Variants in USP40 observed in about 807,000 individuals in gnomAD.
USP40 encodes ubiquitin specific peptidase 40.
A neutral mutation model predicts 166.2 loss-of-function variants in USP40; 143 were observed. The observed-to-expected ratio is 0.86, with a 90% CI of 0.75 to 0.99. USP40 has a LOEUF of 0.99. Ranked by LOEUF, USP40 falls within the 50% of genes least tolerant of loss-of-function variation. The probability of loss-of-function intolerance (pLI) is 0.00; values close to 1 mark genes in which losing one functional copy is unlikely to be tolerated. For synonymous variants in USP40, 498 were observed against 524.0 expected, an observed-to-expected ratio of 0.95 and a Z score of 0.68; for missense variants, 1,444 against 1,479.7, an observed-to-expected ratio of 0.98 and a Z score of 0.40.
intron 30 of USP40, 39 bp downstream of exon 30, chr2:233,485,492 G>A: frequency 6.7e-7 from 1 of 1,490,650 alleles, no homozygotes; most frequent in African/African-American, 1.4e-5. Context: ...TGACCCTCGT[G>A]TCTTCTCAAA....
At chr2:233,500,851 G>A (rs960426631) in intron 21 of USP40, among the ~76,000 whole-genome samples, 2 of 152,128 alleles carry the variant, frequency 1.3e-5, no homozygotes, top group Admixed American at 6.5e-5. Context: ...ACACATGCTG[G>A]TATAGGCACA....
At chr2:233,542,409 A>G (rs1281427915) in intron 8 of USP40, 46 bp from the exon 9 acceptor site, 1 of 1,201,980 alleles carries the variant, frequency 8.3e-7, no homozygotes, top group African/African-American at 1.5e-5. Flanking sequence ...CCCCTTAAAA[A>G]GTAACAAAAT....
chr2:233,550,500 A>C lies in USP40; in HGVS notation c.837+876T>G, dbSNP rs186527762. On this transcript the variant is annotated intron_variant, in intron 7 of 31. Coordinates refer to ENST00000678225, the MANE Select transcript of USP40 (RefSeq NM_001365479.2). Reference sequence around the variant, plus strand: ...CTTTGAGTGGTAATTCAAACAACAAAAAAAAAAACCCCAAAAAGCTCAGCA... The same window carrying C: ...CTTTGAGTGGTAATTCAAACAACAACAAAAAAAACCCCAAAAAGCTCAGCA... 2.8e-3 allele frequency among the ~76,000 whole-genome samples: 428 copies of C among 151,876 alleles called. 1 individual carries two copies. The highest frequency in any genetic ancestry group is 6.3e-3 in the African/African-American group (263 of 41,502).
intron 10 of USP40, among the ~76,000 whole-genome samples, chr2:233,536,286 G>A (rs1422991033): frequency 6.6e-6 from 1 of 152,128 alleles, no homozygotes; most frequent in Non-Finnish European, 1.5e-5. Flanking sequence ...AGAGCTAAGT[G>A]GAAAGACTAC....
In USP40 at chr2:233,566,741, A is replaced by G. The variant is rs1191601397; in HGVS notation, c.-77T>C. The stretch of plus-strand genomic sequence containing the variant: ...ACGCGAAGCGAACGAACCCGCCCCA[A>G]CTGGGCGCCGCCATGTTGGCGAGGG... On this transcript the variant is annotated 5_prime_UTR_variant, in exon 1 of 32. Coordinates refer to ENST00000678225, the MANE Select transcript of USP40 (RefSeq NM_001365479.2). 13 of 985,918 alleles carry G rather than the reference A, an allele frequency of 1.3e-5. No homozygotes were observed. Among genetic ancestry groups the G allele is most frequent in the Non-Finnish European group, 1.6e-5 (13 of 829,962 alleles). The allele number at this position is 985,918 out of a possible 1,614,324, so 61.1% of individuals were successfully genotyped here. A position where few individuals can be genotyped will look rare whatever the true frequency, so the allele number is the denominator to read the frequency against.
chr2:233,491,434 G>A, intron 25 of USP40, 173 bp from the exon 26 acceptor site: 2 of 612,982 alleles, frequency 3.3e-6, no homozygotes, highest in East Asian at 2.8e-5. Flanking sequence ...GCAGGGACAT[G>A]TTGTCGGCAG....
chr2:233,525,024 C>G (rs1484353513), intron 14 of USP40, among the ~76,000 whole-genome samples: 1 of 152,212 alleles, frequency 6.6e-6, no homozygotes, highest in African/African-American at 2.4e-5. Context: ...ACTGCCGCTA[C>G]TGTTAATTCT....
chr2:233,550,567 G>A (rs923969044), intron 7 of USP40, among the ~76,000 whole-genome samples: 4 of 151,048 alleles, frequency 2.6e-5, no homozygotes, highest in South Asian at 2.1e-4. Flanking sequence ...TGAAGATCCC[G>A]AATTTAAGAA....
rs569534757 is a variant in USP40, at chr2:233,556,982, A to T, written c.419T>A (p.Ile140Asn). The T allele has an allele frequency of 6.5e-5, 105 of 1,613,924 alleles. No homozygotes were observed. In the South Asian group the frequency reaches 1.1e-3, roughly 16 times the overall value. Residue 140 changes from isoleucine (I) to asparagine (N), a missense_variant, in exon 5 of 32, where the codon ATC (isoleucine) becomes AAC (asparagine). By Grantham distance (149) the Ile-to-Asn change is moderately radical. Coordinates refer to ENST00000678225, the MANE Select transcript of USP40 (RefSeq NM_001365479.2). ...AGAAGTTTCCAAAGCGCTGAAGAGG[A>T]TTCGATTCAGTTCCTGCACATCATG... Reference protein sequence around the residue: ...RQHDVQELNRILFSALETSLV... With the variant: ...RQHDVQELNRNLFSALETSLV...
At chr2:233,517,120 G>T (rs2067254502) in intron 18 of USP40, among the ~76,000 whole-genome samples, 1 of 152,060 alleles carries the variant, frequency 6.6e-6, no homozygotes, top group Admixed American at 6.6e-5. Context: ...ATATGATTTT[G>T]AGTTCTTGCT....
At chr2:233,501,229 T>C (rs764600237) in intron 21 of USP40, among the ~76,000 whole-genome samples, 1 of 152,220 alleles carries the variant, frequency 6.6e-6, no homozygotes, top group Admixed American at 6.5e-5. Context: ...ATAGAGAGCA[T>C]AAAAGCCTTA....
At position 233,493,482 on chromosome 2, in the gene USP40, C is replaced by A. The variant is rs2065480218; in HGVS notation, c.2860G>T (p.Asp954Tyr). ...GPSGHWESHQ[D>Y]QTNCTSSWGR... ...CAAGACGAAGTACAGTTGGTCTGGT[C>A]CTGATGACTCTCCCAGTGTCCTGAG... Residue 954 changes from aspartate (D) to tyrosine (Y), a missense_variant, in exon 25 of 32, where the codon GAC (aspartate) becomes TAC (tyrosine). Transcript: ENST00000678225. The surrounding 1 kb of genome is among the most constrained non-coding windows in gnomAD (Gnocchi z 4.7). 1 of 1,613,798 alleles carries A rather than the reference C, an allele frequency of 6.2e-7. No homozygotes were observed. The highest frequency in any genetic ancestry group is 8.5e-7 in the Non-Finnish European group (1 of 1,179,876).
At position 233,529,814 on chromosome 2, in the gene USP40, C is replaced by CTTTTTCT. The variant is rs776660309; in HGVS notation, c.1472-303_1472-302insAGAAAAA. On this transcript the variant is annotated intron_variant, in intron 11 of 31. Coordinates refer to ENST00000678225, the MANE Select transcript of USP40 (RefSeq NM_001365479.2). ...ATCTTTTTTTTTTCTTTTTCTTTTT[C>CTTTTTCT]TTTTTTTTTTTGAGACGGAGTCTCA... is the stretch of plus-strand genomic sequence containing the variant. Among the ~76,000 whole-genome samples, 102 of 133,952 alleles carry CTTTTTCT rather than the reference C, an allele frequency of 7.6e-4. 1 individual carries two copies. The highest frequency in any genetic ancestry group is 2.8e-3 in the African/African-American group (97 of 34,650). The allele number at this position is 133,952 out of a possible 152,430, so 87.9% of individuals were successfully genotyped here.
Position 233,480,721 on chromosome 2 carries a change from G to A in USP40, c.3599+482C>T, listed in dbSNP as rs2064522132. On this transcript the variant is annotated intron_variant, in intron 31 of 31. Transcript: ENST00000678225. The surrounding 1 kb of genome is among the most constrained non-coding windows in gnomAD (Gnocchi z 4.5). ...CGGCCAGGGGTCAGGCAGTGTCCTGGAGGAAGTGGGGTAGCAGCCCTGAAG... is the reference window on the plus strand; with the variant it reads ...CGGCCAGGGGTCAGGCAGTGTCCTGAAGGAAGTGGGGTAGCAGCCCTGAAG... 1.3e-5 allele frequency among the ~76,000 whole-genome samples: 2 copies of A among 152,210 alleles called. No homozygotes were observed. The highest frequency in any genetic ancestry group is 2.1e-4 in the South Asian group (1 of 4,826).
chr2:233,554,300 C>A, intron 6 of USP40, 80 bp downstream of exon 6: 5 of 1,394,024 alleles, frequency 3.6e-6, no homozygotes, highest in Non-Finnish European at 4.7e-6. Context: ...TCAAGTATAT[C>A]CTCGAGACTT....
intron 28 of USP40, among the ~76,000 whole-genome samples, chr2:233,487,084 GAC>G (rs1325531284): frequency 1.4e-4 from 22 of 152,324 alleles, no homozygotes; most frequent in African/African-American, 5.1e-4. Flanking sequence ...ATCAAAACCT[GAC>G]ACAGCTTACA....
At chr2:233,538,094 T>C (rs1053330815) in intron 10 of USP40, among the ~76,000 whole-genome samples, 44 of 152,146 alleles carry the variant, frequency 2.9e-4, no homozygotes, top group African/African-American at 1.1e-3. Flanking sequence ...TAATTTGTAA[T>C]TTATCATGTT....
At chr2:233,532,103 CTG>C (rs1351161873) in intron 11 of USP40, among the ~76,000 whole-genome samples, 1 of 152,188 alleles carries the variant, frequency 6.6e-6, no homozygotes, top group Non-Finnish European at 1.5e-5. Flanking sequence ...GTTTGCAACT[CTG>C]TAACCATTTC....
At chr2:233,551,056 G>A (rs920097492) in intron 7 of USP40, among the ~76,000 whole-genome samples, 2 of 152,332 alleles carry the variant, frequency 1.3e-5, no homozygotes, top group South Asian at 2.1e-4. Flanking sequence ...AAATAAATCA[G>A]TGGTTCTCAA....
Sources: gnomAD v4.1 joint callset for allele counts (sites outside exome capture counted in the v4.1 genomes callset) on GRCh38, gnomAD v4.1.1 for gene constraint, Gnocchi (gnomAD v3.1) non-coding constraint, MANE v1.5 for transcripts, NCBI Gene and HGNC (gene_info 2026-07-23, HGNC 2026-07-21) for gene names.